Variants in SGCD observed in about 807,000 individuals in gnomAD.
SGCD encodes sarcoglycan delta.
A neutral mutation model predicts 36.6 loss-of-function variants in SGCD; 18 were observed. The ratio of observed to expected loss-of-function variants is 0.49; its 90% CI spans 0.34 to 0.73. The LOEUF (loss-of-function observed/expected upper bound fraction) is 0.73. Among genes scored for constraint, SGCD ranks in the 30% least tolerant of loss-of-function variants. The probability of loss-of-function intolerance (pLI) is 0.01; values close to 1 mark genes in which losing one functional copy is unlikely to be tolerated. For synonymous variants in SGCD, 133 were observed against 130.6 expected, an observed-to-expected ratio of 1.02 and a Z score of -0.12; for missense variants, 387 against 346.7, an observed-to-expected ratio of 1.12 and a Z score of -0.92.
chr5:156,413,806 G>C (rs1468263001), intron 3 of SGCD, among the ~76,000 whole-genome samples: 1 of 152,146 alleles, frequency 6.6e-6, no homozygotes, highest in Non-Finnish European at 1.5e-5. Context: ...TAATAGGTTA[G>C]CTTCCTTGGA....
chr5:156,114,338 G>T (rs567114175), intron 1 of SGCD, among the ~76,000 whole-genome samples: 29 of 152,146 alleles, frequency 1.9e-4, no homozygotes, highest in Admixed American at 4.6e-4. Flanking sequence ...TATATATAAA[G>T]ACGTAGCCCC....
At chr5:156,428,180 G>A (rs988878997) in intron 3 of SGCD, among the ~76,000 whole-genome samples, 1 of 151,938 alleles carries the variant, frequency 6.6e-6, no homozygotes, top group East Asian at 1.9e-4. Context: ...TTTTTTTGTT[G>A]GTAGGTAATT....
At chr5:156,506,960 C>T (rs182809022) in intron 3 of SGCD, among the ~76,000 whole-genome samples, 1 of 152,246 alleles carries the variant, frequency 6.6e-6, no homozygotes, top group Admixed American at 6.5e-5. Flanking sequence ...CTAGTGAAAT[C>T]ATGGGTCCTC....
intron 4 of SGCD, among the ~76,000 whole-genome samples, chr5:156,553,848 C>T (rs1758893440): frequency 6.6e-6 from 1 of 152,174 alleles, no homozygotes; most frequent in Non-Finnish European, 1.5e-5. Flanking sequence ...CTTGTCTATC[C>T]ATTCATCAGT....
At chr5:155,887,554 A>G (rs970745768) in intron 1 of SGCD, among the ~76,000 whole-genome samples, 1 of 152,106 alleles carries the variant, frequency 6.6e-6, no homozygotes, top group Non-Finnish European at 1.5e-5. Flanking sequence ...TAGCTGTGTG[A>G]CCCAAGCTGC....
intron 1 of SGCD, among the ~76,000 whole-genome samples, chr5:155,872,700 A>T (rs1270513699): frequency 6.6e-6 from 1 of 152,084 alleles, no homozygotes; most frequent in Non-Finnish European, 1.5e-5. Context: ...AGAATGTCAG[A>T]TGCTGTACCA....
At chr5:156,590,855 A>C in intron 5 of SGCD, among the ~76,000 whole-genome samples, 3 of 135,202 alleles carry the variant, frequency 2.2e-5, no homozygotes, top group Admixed American at 7.9e-5. Flanking sequence ...CCACCCCTTT[A>C]TCCCTTTCCT....
chr5:155,825,119 G>A, the SGCD span, among the ~76,000 whole-genome samples: 1 of 152,090 alleles, frequency 6.6e-6, no homozygotes, highest in African/African-American at 2.4e-5. Flanking sequence ...GATTCTAGTG[G>A]CACCAAGATC....
chr5:156,701,494 T>C (rs1754527231), intron 7 of SGCD, among the ~76,000 whole-genome samples: 1 of 152,170 alleles, frequency 6.6e-6, no homozygotes, highest in Non-Finnish European at 1.5e-5. Context: ...GTTTATGCTT[T>C]TTGTGTTTCA....
the SGCD span, among the ~76,000 whole-genome samples, chr5:155,838,122 A>C: frequency 6.6e-6 from 1 of 152,068 alleles, no homozygotes; most frequent in Non-Finnish European, 1.5e-5. Flanking sequence ...TTTATCTGTA[A>C]CTATTTCAGC....
At chr5:156,168,332 C>T (rs192009830) in intron 3 of SGCD, among the ~76,000 whole-genome samples, 88 of 151,680 alleles carry the variant, frequency 5.8e-4, no homozygotes, top group African/African-American at 1.9e-3. Flanking sequence ...TACATTGTGT[C>T]ACCACTATTT....
chr5:156,031,971 A>T (rs1759357054), intron 1 of SGCD, among the ~76,000 whole-genome samples: 2 of 152,200 alleles, frequency 1.3e-5, no homozygotes, highest in African/African-American at 2.4e-5. Context: ...GAGGAAAATT[A>T]GATGATATAG....
intron 3 of SGCD, among the ~76,000 whole-genome samples, chr5:156,345,443 TGAG>T (rs1235646288): frequency 6.6e-6 from 1 of 152,212 alleles, no homozygotes; most frequent in East Asian, 1.9e-4. Flanking sequence ...AGCTCATTAA[TGAG>T]GAAATACTGG....
intron 1 of SGCD, among the ~76,000 whole-genome samples, chr5:155,964,193 G>T (rs1472251048): frequency 6.6e-6 from 1 of 152,088 alleles, no homozygotes; most frequent in African/African-American, 2.4e-5. Flanking sequence ...TATCATGAAG[G>T]TAGGAAGAGA....
intron 3 of SGCD, among the ~76,000 whole-genome samples, chr5:156,396,708 G>A (rs1205609601): frequency 6.6e-6 from 1 of 152,152 alleles, no homozygotes; most frequent in East Asian, 1.9e-4. Context: ...AAAAGAGTGT[G>A]TTCTCACAAT....
chr5:156,592,678 G>A (rs930728611), intron 5 of SGCD, among the ~76,000 whole-genome samples: 2 of 152,048 alleles, frequency 1.3e-5, no homozygotes, highest in Non-Finnish European at 2.9e-5. Context: ...CTAACCTTGC[G>A]AGAGCCCTCC....
chr5:156,299,660 T>C (rs747939491), intron 3 of SGCD, among the ~76,000 whole-genome samples: 5 of 152,152 alleles, frequency 3.3e-5, no homozygotes, highest in Non-Finnish European at 5.9e-5. Flanking sequence ...ACTTTTTTGG[T>C]TCAGCTTACT....
chr5:156,328,937 G>C (rs752774832), intron 1 of SGCD, among the ~76,000 whole-genome samples: 6 of 152,142 alleles, frequency 3.9e-5, no homozygotes, highest in Non-Finnish European at 7.3e-5. Context: ...CAATGAAAAA[G>C]GGAGCCTTCC....
intron 4 of SGCD, among the ~76,000 whole-genome samples, chr5:156,514,692 G>A (rs1757083995): frequency 6.6e-6 from 1 of 152,210 alleles, no homozygotes; most frequent in Admixed American, 6.5e-5. Flanking sequence ...CCAAGAGGCA[G>A]TGTGACAACA....
Sources: allele counts gnomAD v4.1 joint callset (sites outside exome capture counted in the v4.1 genomes callset), GRCh38; gene constraint gnomAD v4.1.1; transcripts MANE v1.5; gene names NCBI Gene and HGNC (gene_info 2026-07-23, HGNC 2026-07-21).